Variants in NFIB observed in about 807,000 individuals in gnomAD.
NFIB encodes the protein nuclear factor I B.
Under a neutral mutation model 61.5 loss-of-function variants are expected in NFIB, and 11 were observed. That is an observed-to-expected ratio of 0.18 (90% CI 0.11 to 0.30). The LOEUF (loss-of-function observed/expected upper bound fraction) is 0.30, where lower values mean the gene tolerates loss of function less well. Among genes scored for constraint, NFIB ranks in the 10% least tolerant of loss-of-function variants. NFIB has a pLI of 1.00. For missense variants in NFIB, 471 were observed against 608.9 expected (o/e 0.77, Z 2.38); for synonymous variants, 260 against 216.5 (o/e 1.20, Z -1.76).
At chr9:14,265,082 C>G (rs539286982) in intron 2 of NFIB, among the ~76,000 whole-genome samples, 2 of 152,098 alleles carry the variant, frequency 1.3e-5, no homozygotes, top group Non-Finnish European at 2.9e-5. Context: ...CTACTGGACC[C>G]GAATTTATTG....
the NFIB span, among the ~76,000 whole-genome samples, chr9:14,530,579 A>C: frequency 1.3e-5 from 2 of 152,158 alleles, no homozygotes; most frequent in Non-Finnish European, 2.9e-5. Flanking sequence ...CTTCCAGGGA[A>C]GCTTCCCTGA....
At chr9:14,501,245 A>G in the NFIB span, among the ~76,000 whole-genome samples, 4 of 152,118 alleles carry the variant, frequency 2.6e-5, no homozygotes, top group Non-Finnish European at 5.9e-5. Flanking sequence ...TTCCGCTCCT[A>G]TGATCATACT....
the NFIB span, among the ~76,000 whole-genome samples, chr9:14,405,789 T>C: frequency 3.3e-5 from 5 of 152,130 alleles, no homozygotes; most frequent in Non-Finnish European, 5.9e-5. Context: ...AAGGGTGAAG[T>C]CTTCCTATTT....
chr9:14,483,607 C>T, the NFIB span, among the ~76,000 whole-genome samples: 6 of 152,224 alleles, frequency 3.9e-5, 1 homozygote, highest in South Asian at 4.1e-4. Context: ...GTGAGTTTGA[C>T]GAGAGTACCT....
intron 10 of NFIB, among the ~76,000 whole-genome samples, chr9:14,111,292 G>C (rs776323611): frequency 6.6e-6 from 1 of 152,102 alleles, no homozygotes; most frequent in African/African-American, 2.4e-5. Flanking sequence ...ATAATTACAT[G>C]AGGCTTCGAC....
At chr9:14,277,692 T>C (rs1352243328) in intron 2 of NFIB, among the ~76,000 whole-genome samples, 4 of 152,174 alleles carry the variant, frequency 2.6e-5, no homozygotes, top group Non-Finnish European at 5.9e-5. Context: ...CAGATAGACC[T>C]AAAGTAAGGG....
intron 1 of NFIB, among the ~76,000 whole-genome samples, chr9:14,310,165 G>A (rs1219329699): frequency 2.0e-5 from 3 of 152,158 alleles, no homozygotes; most frequent in Non-Finnish European, 2.9e-5. Context: ...TTTGAAGGTT[G>A]AATTTGAAAA....
intron 10 of NFIB, among the ~76,000 whole-genome samples, chr9:14,105,633 AATC>A (rs1329538480): frequency 2.6e-5 from 4 of 152,140 alleles, no homozygotes; most frequent in African/African-American, 4.8e-5. Flanking sequence ...GATGCAATTA[AATC>A]ATTAAAATAG....
the NFIB span, among the ~76,000 whole-genome samples, chr9:14,500,423 C>T: frequency 2.0e-5 from 3 of 152,038 alleles, no homozygotes; most frequent in African/African-American, 4.8e-5. Flanking sequence ...GGTCAACTAA[C>T]GTTAGCCAAC....
intron 2 of NFIB, among the ~76,000 whole-genome samples, chr9:14,268,079 G>A (rs979068537): frequency 3.4e-5 from 5 of 148,338 alleles, no homozygotes; most frequent in Non-Finnish European, 5.9e-5. Context: ...AGGTTGCAGT[G>A]AGCCAAGATC....
the NFIB span, among the ~76,000 whole-genome samples, chr9:14,412,963 G>A: frequency 6.6e-6 from 1 of 152,140 alleles, no homozygotes; most frequent in Admixed American, 6.5e-5. Flanking sequence ...GCCCACTCCA[G>A]AAGAGCCACA....
chr9:14,199,957 G>A (rs778058348), intron 2 of NFIB, among the ~76,000 whole-genome samples: 1 of 152,104 alleles, frequency 6.6e-6, no homozygotes, highest in Non-Finnish European at 1.5e-5. Context: ...GCTAAAATAG[G>A]GAATCACGCA....
chr9:14,416,492 G>C, the NFIB span, among the ~76,000 whole-genome samples: 2 of 148,814 alleles, frequency 1.3e-5, no homozygotes, highest in Admixed American at 6.7e-5. Flanking sequence ...GTGTGTTTGT[G>C]TCCTAGTTTT....
At chr9:14,210,422 T>TAA (rs2050189316) in intron 2 of NFIB, among the ~76,000 whole-genome samples, 1 of 152,176 alleles carries the variant, frequency 6.6e-6, no homozygotes, top group South Asian at 2.1e-4. Flanking sequence ...AAAATGAACT[T>TAA]AAAAAGTGAT....
chr9:14,400,729 C>T (rs1022818330), upstream of NFIB, among the ~76,000 whole-genome samples: 1 of 152,174 alleles, frequency 6.6e-6, no homozygotes, highest in African/African-American at 2.4e-5. Flanking sequence ...ATTGGGAAAG[C>T]GATAGGCTCT....
At chr9:14,216,335 C>T (rs1489004519) in intron 2 of NFIB, among the ~76,000 whole-genome samples, 1 of 152,020 alleles carries the variant, frequency 6.6e-6, no homozygotes. Flanking sequence ...GGCATGTATT[C>T]GTTTTTCAAG....
intron 3 of NFIB, among the ~76,000 whole-genome samples, chr9:14,160,936 T>C (rs2044124965): frequency 6.6e-6 from 1 of 152,076 alleles, no homozygotes; most frequent in African/African-American, 2.4e-5. Flanking sequence ...ATGTTAGTTT[T>C]CTGGCATTGT....
chr9:14,166,921 G>A (rs2044866063), intron 3 of NFIB, among the ~76,000 whole-genome samples: 1 of 152,090 alleles, frequency 6.6e-6, no homozygotes, highest in African/African-American at 2.4e-5. Flanking sequence ...CTATTCTTTT[G>A]TAGGTTCACT....
At chr9:14,156,195 G>C (rs914901958) in intron 3 of NFIB, among the ~76,000 whole-genome samples, 1 of 152,178 alleles carries the variant, frequency 6.6e-6, no homozygotes, top group African/African-American at 2.4e-5. Flanking sequence ...TGGGCTCTCA[G>C]TGAATGCTTT....
Sources: gnomAD v4.1 joint callset for allele counts (sites outside exome capture counted in the v4.1 genomes callset) on GRCh38, gnomAD v4.1.1 for gene constraint, MANE v1.5 for transcripts, NCBI Gene and HGNC (gene_info 2026-07-23, HGNC 2026-07-21) for gene names.